LNPEP: variants seen among roughly 807,000 people sequenced by gnomAD.
LNPEP encodes the protein leucyl and cystinyl aminopeptidase.
In LNPEP, 64 loss-of-function variants were observed where a neutral mutation model predicts 120.6. That is an observed-to-expected ratio of 0.53 (90% CI 0.43 to 0.65). The LOEUF is 0.65. Among genes scored for constraint, LNPEP ranks in the 30% least tolerant of loss-of-function variants. LNPEP has a pLI of 0.00. For synonymous variants in LNPEP, 435 were observed against 425.4 expected, an observed-to-expected ratio of 1.02 and a Z score of -0.28; for missense variants, 1,057 against 1,200.0, an observed-to-expected ratio of 0.88 and a Z score of 1.76.
chr5:96,945,709 C>T lies in LNPEP; in HGVS notation c.19+9535C>T, dbSNP rs76042044. ...AGTATAATGAGGTGCGTCTGACCCC[C>T]GCTTCCCATCATAGCCTGAGCTAGT... On this transcript the variant is annotated intron_variant, in intron 1 of 17. Transcript: ENST00000231368. Among the ~76,000 whole-genome samples, 1,182 of 152,164 alleles carry T rather than the reference C, an allele frequency of 7.8e-3. 7 individuals are homozygous for T. Among genetic ancestry groups the T allele is most frequent in the Non-Finnish European group, 0.011 (730 of 68,014 alleles).
chr5:97,023,714 AC>A (rs1791269991), intron 14 of LNPEP, among the ~76,000 whole-genome samples: 1 of 151,964 alleles, frequency 6.6e-6, no homozygotes, highest in African/African-American at 2.4e-5. Context: ...TCTCCTAGAG[AC>A]CCTGCTTTCA....
At chr5:97,021,901 T>G (rs751950317) in intron 13 of LNPEP, among the ~76,000 whole-genome samples, 7 of 149,506 alleles carry the variant, frequency 4.7e-5, no homozygotes, top group African/African-American at 9.9e-5. Context: ...TGTCCTGGGG[T>G]TTTTTTTGTT....
At chr5:97,022,542 A>G in intron 14 of LNPEP, 58 bp downstream of exon 14, 2 of 1,345,560 alleles carry the variant, frequency 1.5e-6, no homozygotes, top group South Asian at 1.2e-5. Flanking sequence ...CACATCATAT[A>G]CAGTATCCAG....
At chr5:96,952,066 T>C (rs1202317114) in intron 1 of LNPEP, among the ~76,000 whole-genome samples, 1 of 152,092 alleles carries the variant, frequency 6.6e-6, no homozygotes, top group African/African-American at 2.4e-5. Flanking sequence ...TCTCTAGATA[T>C]TTAAAAATTA....
At chr5:96,990,511 A>G (rs971488468) in intron 4 of LNPEP, among the ~76,000 whole-genome samples, 1 of 152,196 alleles carries the variant, frequency 6.6e-6, no homozygotes, top group Non-Finnish European at 1.5e-5. Context: ...TTTTGCCTCA[A>G]TTCCGATGGG....
chr5:96,951,262 T>TGGGG (rs145683964), intron 1 of LNPEP, among the ~76,000 whole-genome samples: 2 of 140,298 alleles, frequency 1.4e-5, no homozygotes, highest in Admixed American at 7.0e-5. Context: ...TTTCTTTTTT[T>TGGGG]GGCGGGGGGC....
chr5:96,997,244 G>A (rs956057028), intron 7 of LNPEP, among the ~76,000 whole-genome samples: 3 of 152,044 alleles, frequency 2.0e-5, no homozygotes, highest in Admixed American at 6.6e-5. Flanking sequence ...ACTTCCTGAT[G>A]TTATAATCCA....
intron 4 of LNPEP, among the ~76,000 whole-genome samples, chr5:96,990,578 G>A (rs771082400): frequency 1.4e-4 from 21 of 152,142 alleles, no homozygotes; most frequent in South Asian, 4.1e-4. Context: ...ATTGTGTCAC[G>A]CACTAATCTA....
intron 1 of LNPEP, chr5:96,958,490 C>T (rs1789522494): frequency 2.0e-6 from 2 of 985,476 alleles, no homozygotes; most frequent in South Asian, 9.4e-5. Flanking sequence ...AGCCGTACAG[C>T]CATGAATGTC....
At position 96,979,741 on chromosome 5, in the gene LNPEP, T is replaced by C. The variant is rs2112607162; in HGVS notation, c.623T>C (p.Ile208Thr). ...GCTCTTCAGGTCACATGGAATATCATTCTTCATAGCACAGGTCATAATATT... is the reference window on the plus strand; with the variant it reads ...GCTCTTCAGGTCACATGGAATATCACTCTTCATAGCACAGGTCATAATATT... Reference protein sequence around the residue: ...VQALQVTWNIILHSTGHNISR... With the variant: ...VQALQVTWNITLHSTGHNISR... The change falls in exon 2 of 18, where the codon ATT becomes ACT. Residue 208 changes from isoleucine to threonine, a missense_variant. Transcript: ENST00000231368. The C allele has an allele frequency of 6.2e-7, 1 of 1,614,078 alleles. No individual in the cohort carries two copies.
At chr5:96,989,962 G>T (rs1790356450) in intron 4 of LNPEP, among the ~76,000 whole-genome samples, 1 of 152,194 alleles carries the variant, frequency 6.6e-6, no homozygotes, top group African/African-American at 2.4e-5. Flanking sequence ...AAGGAAAGGT[G>T]CTCAGTGATG....
At chr5:96,995,676 A>G (rs920088840) in intron 6 of LNPEP, among the ~76,000 whole-genome samples, 1 of 152,074 alleles carries the variant, frequency 6.6e-6, no homozygotes, top group African/African-American at 2.4e-5. Context: ...CAACAGGCAT[A>G]CATCACCATG....
chr5:96,992,419 C>T (rs1227990151), intron 4 of LNPEP, among the ~76,000 whole-genome samples: 1 of 152,174 alleles, frequency 6.6e-6, no homozygotes, highest in Non-Finnish European at 1.5e-5. Context: ...GAAAAACTGG[C>T]TGTGCCATAC....
intron 1 of LNPEP, among the ~76,000 whole-genome samples, chr5:96,964,456 A>C (rs967543537): frequency 2.6e-5 from 4 of 152,050 alleles, no homozygotes; most frequent in Non-Finnish European, 4.4e-5. Flanking sequence ...ATATTTATTT[A>C]AATGTTTATA....
In LNPEP at chr5:97,013,774, A is replaced by G; in HGVS notation, c.2162A>G (p.Tyr721Cys). The change falls in exon 12 of 18, where the codon TAT (tyrosine) becomes TGT (cysteine). Residue 721 changes from tyrosine to cysteine, a missense_variant. Transcript: ENST00000231368. ...ALIHQLKINPYVLSDKDRANL... is the reference protein window; with the variant it reads ...ALIHQLKINPCVLSDKDRANL... ...ATCCATCAGTTGAAAATAAATCCTT[A>G]TGTTCTGAGTGACAAAGACCGAGCC... is the stretch of plus-strand genomic sequence containing the variant. 6.2e-7 allele frequency: 1 copy of G among 1,612,254 alleles called. No individual in the cohort carries two copies. Among genetic ancestry groups the G allele is most frequent in the Middle Eastern group, 1.7e-4 (1 of 6,050 alleles).
chr5:97,004,575 A>G (rs1353513543), intron 9 of LNPEP, among the ~76,000 whole-genome samples: 2 of 152,052 alleles, frequency 1.3e-5, no homozygotes, highest in African/African-American at 2.4e-5. Context: ...AGTTCTGGCC[A>G]TATTACTCAG....
chr5:96,961,010 G>C (rs544400028), intron 1 of LNPEP, among the ~76,000 whole-genome samples: 3 of 151,954 alleles, frequency 2.0e-5, no homozygotes, highest in Middle Eastern at 3.4e-3. Flanking sequence ...TTAAAGTTTT[G>C]AGAATTCATT....
Position 97,028,540 on chromosome 5 carries a change from C to T in LNPEP, c.*7C>T. The T allele has an allele frequency of 6.2e-7, 1 of 1,612,848 alleles. No homozygotes were observed. Among genetic ancestry groups the T allele is most frequent in the Non-Finnish European group, 8.5e-7 (1 of 1,179,310 alleles). On this transcript the variant is annotated 3_prime_UTR_variant, in exon 18 of 18. Coordinates refer to ENST00000231368, the MANE Select transcript of LNPEP (RefSeq NM_005575.3). ...TCTCACATGGTGGCTGTAGCATGCA[C>T]AACCGCACCTCATTTTGTTGCCCAT...
chr5:96,949,808 A>G (rs1789281947), intron 1 of LNPEP, among the ~76,000 whole-genome samples: 1 of 152,240 alleles, frequency 6.6e-6, no homozygotes, highest in Non-Finnish European at 1.5e-5. Flanking sequence ...GATGCTTAAT[A>G]AATGTTATCT....
Sources: gnomAD v4.1 joint callset for allele counts (sites outside exome capture counted in the v4.1 genomes callset) on GRCh38, gnomAD v4.1.1 for gene constraint, MANE v1.5 for transcripts, NCBI Gene and HGNC (gene_info 2026-07-23, HGNC 2026-07-21) for gene names.